The following NEK11 variants were observed in gnomAD, a reference collection of about 807,000 sequenced individuals.
NEK11 encodes NIMA related kinase 11.
A neutral mutation model predicts 80.7 loss-of-function variants in NEK11; 72 were observed. That is an observed-to-expected ratio of 0.89 (90% CI 0.74 to 1.08). NEK11 has a LOEUF of 1.08. NEK11 is among the 50% of genes least tolerant of loss of function. NEK11 has a pLI of 0.00. For missense variants in NEK11, 764 were observed against 763.6 expected (o/e 1.00, Z -0.01); for synonymous variants, 251 against 260.7 (o/e 0.96, Z 0.36).
chr3:131,161,158 A>AG (rs1009606589), intron 10 of NEK11, among the ~76,000 whole-genome samples: 7 of 151,608 alleles, frequency 4.6e-5, no homozygotes, highest in Non-Finnish European at 1.0e-4. Flanking sequence ...TCAAAAAAAA[A>AG]AAAAAAGAAA....
In NEK11 at chr3:131,273,566, C is replaced by T. The variant is rs148518025; in HGVS notation, c.1710C>T (p.Arg570=). ...TGATGGCCAGGACCAAGATGAAACG[C>T]ATGAGGGAGTAAGTAGCATGTTGCC... ...NSVMARTKMK[R]MRESAMQKLG... The change falls in exon 17 of 18, where the codon CGC becomes CGT. Residue 570 remains arginine, a synonymous_variant. Transcript: ENST00000383366. The T allele has an allele frequency of 2.1e-4, 334 of 1,613,048 alleles. No homozygotes were observed. The African/African-American group carries it at 3.8e-3, about 18-fold the overall frequency.
chr3:131,168,441 C>G (rs1379268908), intron 12 of NEK11, among the ~76,000 whole-genome samples: 1 of 149,838 alleles, frequency 6.7e-6, no homozygotes, highest in Non-Finnish European at 1.5e-5. Context: ...ACTGCAAGCT[C>G]CGCCTCCCGG....
intron 3 of NEK11, among the ~76,000 whole-genome samples, chr3:131,062,681 G>A (rs888378117): frequency 5.3e-5 from 8 of 152,200 alleles, no homozygotes; most frequent in Admixed American, 2.6e-4. Flanking sequence ...GGTATGGACT[G>A]TTTTCGTCTG....
intron 5 of NEK11, among the ~76,000 whole-genome samples, chr3:131,126,375 CTTTG>C (rs1212750365): frequency 3.9e-5 from 6 of 152,172 alleles, no homozygotes; most frequent in South Asian, 2.1e-4. Flanking sequence ...CACTCAGTTT[CTTTG>C]TTTGTTTGTT....
At chr3:131,191,542 C>G (rs2093796294) in intron 14 of NEK11, among the ~76,000 whole-genome samples, 1 of 152,152 alleles carries the variant, frequency 6.6e-6, no homozygotes, top group Admixed American at 6.6e-5. Context: ...GATGATCTCC[C>G]TATTTTAAAG....
chr3:131,181,745 CAAAAA>C, intron 14 of NEK11, among the ~76,000 whole-genome samples: 1 of 83,094 alleles, frequency 1.2e-5, no homozygotes. Flanking sequence ...GACTCCGCCT[CAAAAA>C]AAAAAAAAAA....
At chr3:131,217,186 T>C (rs1036545152) in intron 14 of NEK11, among the ~76,000 whole-genome samples, 1 of 152,136 alleles carries the variant, frequency 6.6e-6, no homozygotes, top group Non-Finnish European at 1.5e-5. Flanking sequence ...CTTTTAAAAA[T>C]TGAAAAGGAA....
At chr3:131,244,004 T>A (rs542663107) in intron 16 of NEK11, among the ~76,000 whole-genome samples, 1 of 152,232 alleles carries the variant, frequency 6.6e-6, no homozygotes, top group Admixed American at 6.5e-5. Context: ...TCTTCTATTT[T>A]TTTTTTAATC....
intron 3 of NEK11, among the ~76,000 whole-genome samples, chr3:131,046,911 C>A (rs894071886): frequency 6.6e-6 from 1 of 152,208 alleles, no homozygotes; most frequent in Admixed American, 6.5e-5. Flanking sequence ...GATTTCTCTT[C>A]TTTCTTGGAA....
At chr3:131,207,030 T>G (rs1580174535) in intron 14 of NEK11, among the ~76,000 whole-genome samples, 1 of 152,190 alleles carries the variant, frequency 6.6e-6, no homozygotes, top group Non-Finnish European at 1.5e-5. Flanking sequence ...TATTCCATGG[T>G]GTATATGTGC....
chr3:131,308,436 G>T (rs60281468), intron 17 of NEK11, among the ~76,000 whole-genome samples: 223 of 152,308 alleles, frequency 1.5e-3, no homozygotes, highest in African/African-American at 4.7e-3. Flanking sequence ...ATTTATGAAT[G>T]CAAAAATAGA....
intron 4 of NEK11, among the ~76,000 whole-genome samples, chr3:131,093,252 G>T (rs1252893827): frequency 6.6e-6 from 1 of 152,196 alleles, no homozygotes; most frequent in African/African-American, 2.4e-5. Context: ...AATAAGAAGG[G>T]ATTAGGGTTA....
At chr3:131,322,785 C>T (rs2096910201) in intron 17 of NEK11, among the ~76,000 whole-genome samples, 3 of 152,142 alleles carry the variant, frequency 2.0e-5, no homozygotes, top group Admixed American at 2.0e-4. Context: ...GTCAGTCTGA[C>T]CCTGTGGGTC....
At chr3:131,201,815 A>G (rs2094241133) in intron 14 of NEK11, among the ~76,000 whole-genome samples, 1 of 152,102 alleles carries the variant, frequency 6.6e-6, no homozygotes, top group Admixed American at 6.5e-5. Context: ...CACATGAGAA[A>G]TGTAAATTCA....
chr3:131,193,817 C>T (rs979680885), intron 14 of NEK11, among the ~76,000 whole-genome samples: 1 of 152,118 alleles, frequency 6.6e-6, no homozygotes, highest in Non-Finnish European at 1.5e-5. Context: ...AAATATTTCT[C>T]CCAAGAGTTT....
intron 5 of NEK11, among the ~76,000 whole-genome samples, chr3:131,111,736 A>G (rs1391092981): frequency 6.6e-6 from 1 of 152,140 alleles, no homozygotes; most frequent in Non-Finnish European, 1.5e-5. Flanking sequence ...AGCCACAATT[A>G]TTTTTGCACC....
chr3:131,139,375 G>A (rs918094013), intron 7 of NEK11, among the ~76,000 whole-genome samples: 1 of 150,996 alleles, frequency 6.6e-6, no homozygotes, highest in East Asian at 1.9e-4. Context: ...AAAAAGAATG[G>A]AGCACACCTC....
At position 131,132,771 on chromosome 3, in the gene NEK11, C is replaced by G. The variant is rs766651032; in HGVS notation, c.482C>G (p.Ser161Ter). The G allele has an allele frequency of 3.3e-6, 5 of 1,532,428 alleles. No homozygotes were observed. The highest frequency in any genetic ancestry group is 4.4e-6 in the Non-Finnish European group (5 of 1,125,858). The allele number at this position is 1,532,428 out of a possible 1,614,324, so 94.9% of individuals were successfully genotyped here. A position where few individuals can be genotyped will look rare whatever the true frequency, so the allele number is the denominator to read the frequency against. ...ERRILHRDLK[S>*]KNVFLKNNLL... is the part of the protein sequence containing the mutation. ...AGGATACTTCATCGAGACTTAAAGT[C>G]AAAGAATGTATTTCTGAAAAATAAT... is the stretch of plus-strand genomic sequence containing the variant. The change falls in exon 6 of 18, where the codon TCA becomes TGA. Residue 161 changes from serine (S) to a stop codon, truncating the protein, a stop_gained. Coordinates refer to ENST00000383366, the MANE Select transcript of NEK11 (RefSeq NM_024800.5). LOFTEE classifies it high-confidence loss of function.
chr3:131,027,063 AT>A (rs1383403676), intron 1 of NEK11, 57 bp downstream of exon 1: 2 of 152,154 alleles, frequency 1.3e-5, no homozygotes, highest in East Asian at 3.9e-4. Context: ...GGGGAAGGTA[AT>A]GGTTTCAAGC....
Sources: allele counts gnomAD v4.1 joint callset (sites outside exome capture counted in the v4.1 genomes callset), GRCh38; gene constraint gnomAD v4.1.1; transcripts MANE v1.5; gene names NCBI Gene and HGNC (gene_info 2026-07-23, HGNC 2026-07-21).